The following ZFHX3 variants were observed in gnomAD, a reference collection of about 807,000 sequenced individuals.
ZFHX3 encodes zinc finger homeobox 3.
In ZFHX3, 42 loss-of-function variants were observed where a neutral mutation model predicts 279.1. The observed-to-expected ratio is 0.15, with a 90% CI of 0.12 to 0.19. ZFHX3 has a LOEUF of 0.19. Among genes scored for constraint, ZFHX3 ranks in the 10% least tolerant of loss-of-function variants. The pLI, the probability that ZFHX3 is intolerant of heterozygous loss-of-function variation, is 1.00. For missense variants in ZFHX3, 4,981 were observed against 4,754.0 expected (o/e 1.05, Z -1.40); for synonymous variants, 2,293 against 1,957.8 (o/e 1.17, Z -4.52).
At chr16:73,510,324 G>A (rs2019407235) in intron 2 of ZFHX3, among the ~76,000 whole-genome samples, 2 of 152,018 alleles carry the variant, frequency 1.3e-5, no homozygotes, top group Admixed American at 6.6e-5. Context: ...TGTCTACAGT[G>A]TTTGCCACTG....
chr16:73,059,521 CCTTTCTCTCTCTCTCTCT>C (rs1328178754), exon 1 of ZFHX3: 1 of 63,976 alleles, frequency 1.6e-5, no homozygotes, highest in African/African-American at 7.3e-5. Flanking sequence ...ATTATTTTCC[CCTTTCTCTCTCTCTCTCT>C]CTCTCTCTCT....
chr16:73,010,040 A>AAAAAAAAAC (rs1416241740), intron 1 of ZFHX3, among the ~76,000 whole-genome samples: 1 of 150,932 alleles, frequency 6.6e-6, no homozygotes, highest in African/African-American at 2.5e-5. Flanking sequence ...AAAAAAAAAA[A>AAAAAAAAAC]AAACTCATAA....
chr16:73,575,998 C>T (rs893126752), intron 2 of ZFHX3, among the ~76,000 whole-genome samples: 4 of 152,168 alleles, frequency 2.6e-5, no homozygotes, highest in Non-Finnish European at 5.9e-5. Flanking sequence ...CGTCTTTCTC[C>T]TTCATCCATT....
chr16:73,141,498 A>G (rs1966847752), intron 6 of ZFHX3, among the ~76,000 whole-genome samples: 1 of 151,914 alleles, frequency 6.6e-6, no homozygotes, highest in African/African-American at 2.4e-5. Context: ...CCTGGGCTCA[A>G]GGGATACTCC....
chr16:73,461,096 A>C (rs114340395), intron 2 of ZFHX3, among the ~76,000 whole-genome samples: 1 of 152,254 alleles, frequency 6.6e-6, no homozygotes, highest in African/African-American at 2.4e-5. Context: ...ATTATTTATT[A>C]TAATAGGTTT....
intron 1 of ZFHX3, among the ~76,000 whole-genome samples, chr16:72,992,558 C>T (rs1963130699): frequency 6.6e-6 from 1 of 152,152 alleles, no homozygotes; most frequent in Non-Finnish European, 1.5e-5. Flanking sequence ...TCCTAGGGAT[C>T]CCAACCCACA....
chr16:72,879,959 A>G (rs62053185), intron 4 of ZFHX3, among the ~76,000 whole-genome samples: 5,389 of 152,300 alleles, frequency 0.035, 152 homozygotes, highest in Non-Finnish European at 0.05. Flanking sequence ...ATGGGCTCAG[A>G]GGACACAGGG....
At chr16:73,629,111 A>C (rs1453974663) in intron 2 of ZFHX3, among the ~76,000 whole-genome samples, 1 of 152,134 alleles carries the variant, frequency 6.6e-6, no homozygotes, top group African/African-American at 2.4e-5. Flanking sequence ...GGAAACTATA[A>C]ATCTGTATCA....
Position 73,538,501 on chromosome 16 carries a change from A to C in ZFHX3, c.-1546-82243T>G, listed in dbSNP as rs73602927. Among the ~76,000 whole-genome samples the C allele has an allele frequency of 8.8e-3, 1,341 of 152,312 alleles. 19 individuals carry two copies. Among genetic ancestry groups the C allele is most frequent in the African/African-American group, 0.031 (1,276 of 41,552 alleles). On this transcript the variant is annotated intron_variant, in intron 2 of 17. Transcript: ENST00000641206. ...TTATTTCTAAAATGACATCTCCCTGAAAAAGTCATGTAAGTTTTCTTTCCT... is the reference window on the plus strand; with the variant it reads ...TTATTTCTAAAATGACATCTCCCTGCAAAAGTCATGTAAGTTTTCTTTCCT...
At chr16:73,125,283 G>T (rs902782765) in intron 7 of ZFHX3, 1 of 144,296 alleles carries the variant, frequency 6.9e-6, no homozygotes, top group Non-Finnish European at 1.5e-5. Flanking sequence ...GAGAGATGAA[G>T]AAAATAATAG....
At chr16:73,376,391 C>T (rs1400467679) in intron 3 of ZFHX3, among the ~76,000 whole-genome samples, 1 of 152,210 alleles carries the variant, frequency 6.6e-6, no homozygotes, top group African/African-American at 2.4e-5. Flanking sequence ...CATTTTCTCT[C>T]TCTGACCTTC....
intron 3 of ZFHX3, among the ~76,000 whole-genome samples, chr16:72,907,541 CTATTTGTGTG>C (rs2039207572): frequency 8.5e-6 from 1 of 117,192 alleles, no homozygotes; most frequent in African/African-American, 3.7e-5. Context: ...AAGGTTTCCT[CTATTTGTGTG>C]TGTGTGTGTG....
At chr16:73,788,400 T>C (rs1959724836) in intron 1 of ZFHX3, among the ~76,000 whole-genome samples, 1 of 152,198 alleles carries the variant, frequency 6.6e-6, no homozygotes, top group African/African-American at 2.4e-5. Context: ...CTTCGTGTCC[T>C]TGGACTCCTC....
chr16:73,522,846 G>A (rs1487602467), intron 2 of ZFHX3, among the ~76,000 whole-genome samples: 1 of 152,194 alleles, frequency 6.6e-6, no homozygotes, highest in Non-Finnish European at 1.5e-5. Context: ...CATGGTGGAA[G>A]GGGAAGCAAA....
rs188444042 is a variant in ZFHX3 at position 73,491,100 on chromosome 16, G to A, written c.-1546-34842C>T. ...ACACTAATGAGATTTCTATTAGTCA[G>A]GATAAAGTTAAGCTCTGCTGTGGTA... On this transcript the variant is annotated intron_variant, in intron 2 of 17. Coordinates refer to the ZFHX3 transcript ENST00000641206. Among the ~76,000 whole-genome samples the A allele has an allele frequency of 6.4e-4, 98 of 152,296 alleles. 1 individual carries two copies. The highest frequency in any genetic ancestry group is 2.2e-3 in the African/African-American group (92 of 41,556).
intron 3 of ZFHX3, among the ~76,000 whole-genome samples, chr16:73,425,332 A>G (rs887346886): frequency 1.3e-5 from 2 of 152,176 alleles, no homozygotes; most frequent in Non-Finnish European, 2.9e-5. Context: ...TTACAGAATG[A>G]TTATAGAAAT....
intron 3 of ZFHX3, among the ~76,000 whole-genome samples, chr16:72,901,010 T>G (rs2144129523): frequency 6.6e-6 from 1 of 152,324 alleles, no homozygotes; most frequent in African/African-American, 2.4e-5. Flanking sequence ...ACACAAGAAT[T>G]CACCTCCTTA....
chr16:73,339,481 C>T (rs562914165), intron 3 of ZFHX3, among the ~76,000 whole-genome samples: 1 of 152,284 alleles, frequency 6.6e-6, no homozygotes, highest in African/African-American at 2.4e-5. Flanking sequence ...AGCATGTAAC[C>T]TTATATTCTA....
chr16:72,822,298 C>A (rs2036813542), intron 5 of ZFHX3, among the ~76,000 whole-genome samples: 1 of 152,188 alleles, frequency 6.6e-6, no homozygotes, highest in African/African-American at 2.4e-5. Context: ...TTCTCCTCCT[C>A]CAACCTTCCT....
Sources: gnomAD v4.1 joint callset for allele counts (sites outside exome capture counted in the v4.1 genomes callset) on GRCh38, gnomAD v4.1.1 for gene constraint, MANE v1.5 for transcripts, NCBI Gene and HGNC (gene_info 2026-07-23, HGNC 2026-07-21) for gene names.